Variants in NKD1 observed in about 807,000 individuals in gnomAD.
NKD1 encodes the protein NKD inhibitor of Wnt signaling pathway 1.
Under a neutral mutation model 56.0 loss-of-function variants are expected in NKD1, and 21 were observed. That is an observed-to-expected ratio of 0.38 (90% confidence interval 0.27 to 0.54). NKD1 has a LOEUF of 0.54. Ranked by LOEUF, NKD1 falls within the 20% of genes least tolerant of loss-of-function variation. The probability of loss-of-function intolerance (pLI) is 0.82; values close to 1 mark genes in which losing one functional copy is unlikely to be tolerated. For missense variants in NKD1, 578 were observed against 642.7 expected (o/e 0.90, Z 1.09); for synonymous variants, 263 against 265.7 (o/e 0.99, Z 0.10).
intron 2 of NKD1, among the ~76,000 whole-genome samples, 169 bp from the exon 3 acceptor site, chr16:50,549,253 C>T (rs1453599722): frequency 6.6e-6 from 1 of 151,606 alleles, no homozygotes; most frequent in East Asian, 2.0e-4. Context: ...GCTGAACCCC[C>T]CTTTACTTAC....
intron 6 of NKD1, among the ~76,000 whole-genome samples, chr16:50,627,231 A>G (rs1174035231): frequency 6.6e-6 from 1 of 152,106 alleles, no homozygotes. Flanking sequence ...CCAGAGGCTC[A>G]GTGGCTTCAG....
intron 4 of NKD1, among the ~76,000 whole-genome samples, chr16:50,620,441 C>T (rs1194073403): frequency 6.6e-6 from 1 of 152,222 alleles, no homozygotes; most frequent in Non-Finnish European, 1.5e-5. Flanking sequence ...CCTTGCCTTC[C>T]TCTCTGACTG....
At chr16:50,575,502 G>T (rs763357870) in intron 3 of NKD1, 31 of 309,776 alleles carry the variant, frequency 1.0e-4, no homozygotes, top group Middle Eastern at 1.6e-3. Flanking sequence ...CAGAAATAAC[G>T]TGGGCCTCCC....
At chr16:50,569,293 C>T (rs974006945) in intron 3 of NKD1, among the ~76,000 whole-genome samples, 4 of 152,206 alleles carry the variant, frequency 2.6e-5, no homozygotes, top group Non-Finnish European at 5.9e-5. Flanking sequence ...GGCCCCTTTT[C>T]CTGCTTCCAA....
intron 3 of NKD1, among the ~76,000 whole-genome samples, chr16:50,604,195 G>C (rs542747114): frequency 6.6e-6 from 1 of 152,330 alleles, no homozygotes; most frequent in South Asian, 2.1e-4. Context: ...ATGGACTCAG[G>C]CTCTGGCACT....
rs148639219 is a variant in NKD1, at chr16:50,624,960, G to A, written c.367-525G>A. ...CCAGCAACCTCGTGGGAGAGAGGCTGTCATTTTCCATAATGTATACAAAGA... is the reference window on the plus strand; with the variant it reads ...CCAGCAACCTCGTGGGAGAGAGGCTATCATTTTCCATAATGTATACAAAGA... On this transcript the variant is annotated intron_variant, in intron 5 of 9. Transcript: ENST00000268459. 6.8e-3 allele frequency among the ~76,000 whole-genome samples: 1,029 copies of A among 152,264 alleles called. 15 individuals are homozygous for A. Among genetic ancestry groups the A allele is most frequent in the African/African-American group, 0.023 (969 of 41,532 alleles).
chr16:50,561,610 A>C (rs915528113), intron 3 of NKD1, among the ~76,000 whole-genome samples: 3 of 152,170 alleles, frequency 2.0e-5, no homozygotes, highest in African/African-American at 7.2e-5. Flanking sequence ...CCTCATGAGT[A>C]GCTTGGGCTT....
intron 3 of NKD1, among the ~76,000 whole-genome samples, chr16:50,569,236 C>T (rs553143281): frequency 6.6e-6 from 1 of 152,220 alleles, no homozygotes; most frequent in East Asian, 1.9e-4. Flanking sequence ...TCATACCATG[C>T]GCTGTGCACC....
chr16:50,594,603 G>T (rs564527195), intron 3 of NKD1, among the ~76,000 whole-genome samples: 2 of 152,360 alleles, frequency 1.3e-5, no homozygotes, highest in South Asian at 4.1e-4. Flanking sequence ...CTGACCCTCT[G>T]GGGGAGCTCT....
intron 3 of NKD1, among the ~76,000 whole-genome samples, chr16:50,570,591 G>A (rs1345906549): frequency 7.2e-5 from 11 of 152,228 alleles, no homozygotes. Context: ...TAAAATGGCA[G>A]TGAAAATGGT....
At chr16:50,620,860 G>A (rs973467470) in intron 4 of NKD1, among the ~76,000 whole-genome samples, 5 of 152,198 alleles carry the variant, frequency 3.3e-5, no homozygotes, top group Non-Finnish European at 5.9e-5. Context: ...ACACAGGACC[G>A]TGACCTTTGG....
At chr16:50,583,174 G>A (rs1961155511) in intron 3 of NKD1, among the ~76,000 whole-genome samples, 1 of 152,162 alleles carries the variant, frequency 6.6e-6, no homozygotes, top group Admixed American at 6.5e-5. Context: ...TTGGAATCTA[G>A]GTGGCCCCTG....
intron 3 of NKD1, among the ~76,000 whole-genome samples, chr16:50,591,287 C>T (rs1483505230): frequency 6.6e-6 from 1 of 152,248 alleles, no homozygotes; most frequent in Non-Finnish European, 1.5e-5. Flanking sequence ...GCCACTGTGG[C>T]TCCCCTGTGG....
intron 4 of NKD1, among the ~76,000 whole-genome samples, chr16:50,613,254 T>C (rs1313148180): frequency 6.6e-6 from 1 of 151,830 alleles, no homozygotes; most frequent in South Asian, 2.1e-4. Context: ...GATTGGAGCT[T>C]GGGGTTCAAG....
chr16:50,619,373 C>T (rs1962036105), intron 4 of NKD1, among the ~76,000 whole-genome samples: 1 of 152,144 alleles, frequency 6.6e-6, no homozygotes, highest in Admixed American at 6.5e-5. Flanking sequence ...TGCGTGCCGG[C>T]CACTGTGCTC....
chr16:50,608,336 G>C lies in NKD1; in HGVS notation c.235G>C (p.Glu79Gln), dbSNP rs757932105. ...DVLRDTLSEE[E>Q]EDDFRLEVAL... ...GTTGAGAGACACGCTCAGCGAGGAA[G>C]AGGAGGACGACTTTCGGCTGGAAGG... The change falls in exon 4 of 10, where the codon GAG becomes CAG. Residue 79 changes from glutamate (E) to glutamine (Q), a missense_variant. Physicochemically the swap from Glu to Gln is conservative, Grantham distance 29. Coordinates refer to ENST00000268459, the MANE Select transcript of NKD1 (RefSeq NM_033119.5). 14 of 1,613,290 alleles carry C rather than the reference G, an allele frequency of 8.7e-6. No homozygotes were observed. The highest frequency in any genetic ancestry group is 1.7e-5 in the Admixed American group (1 of 60,008).
At chr16:50,605,402 T>G (rs1333619998) in intron 3 of NKD1, among the ~76,000 whole-genome samples, 1 of 152,234 alleles carries the variant, frequency 6.6e-6, no homozygotes, top group Non-Finnish European at 1.5e-5. Context: ...ATCTATTTCT[T>G]GAAAGATGGA....
At position 50,548,595 on chromosome 16, in the gene NKD1, G is replaced by A. The variant is rs1033056174; in HGVS notation, c.25+17G>A. 97 of 1,460,258 alleles carry A rather than the reference G, an allele frequency of 6.6e-5. 1 individual carries two copies. The African/African-American group carries it at 1.2e-3, about 17-fold the overall frequency. 90.5% of individuals were successfully genotyped at this position (1,460,258 alleles called of 1,614,324 possible). A position where few individuals can be genotyped will look rare whatever the true frequency, so the allele number is the denominator to read the frequency against. On this transcript the variant is annotated intron_variant, in intron 1 of 9. Transcript: ENST00000268459. ...CCAAGCCGGGTCAGTGCCCCCGCCC[G>A]CGCGCTCGCCCCGGGCCCCGCCGCC...
intron 3 of NKD1, among the ~76,000 whole-genome samples, chr16:50,581,512 C>G (rs374442095): frequency 5.3e-5 from 8 of 152,234 alleles, no homozygotes; most frequent in African/African-American, 1.9e-4. Context: ...CTGCCTGTAC[C>G]TGCTATTATG....
Sources: gnomAD v4.1 joint callset for allele counts (sites outside exome capture counted in the v4.1 genomes callset) on GRCh38, gnomAD v4.1.1 for gene constraint, MANE v1.5 for transcripts, NCBI Gene and HGNC (gene_info 2026-07-23, HGNC 2026-07-21) for gene names.